Variants in POU6F2 observed in about 807,000 individuals in gnomAD.
POU6F2 encodes POU class 6 homeobox 2.
A neutral mutation model predicts 71.3 loss-of-function variants in POU6F2; 31 were observed. That is an observed-to-expected ratio of 0.43 (90% confidence interval 0.33 to 0.59). POU6F2 has a LOEUF of 0.59. Among genes scored for constraint, POU6F2 ranks in the 20% least tolerant of loss-of-function variants. The probability of loss-of-function intolerance (pLI) is 0.04; values close to 1 mark genes in which losing one functional copy is unlikely to be tolerated. For missense variants in POU6F2, 783 were observed against 856.8 expected, an observed-to-expected ratio of 0.91 and a Z score of 1.07; for synonymous variants, 347 against 355.7, an observed-to-expected ratio of 0.98 and a Z score of 0.27.
At position 39,106,614 on chromosome 7, in the gene POU6F2, CAGTT is replaced by C. The variant is rs1432431282; in HGVS notation, c.277+20586_277+20589del. On this transcript the variant is annotated intron_variant, in intron 2 of 9. Coordinates refer to ENST00000518318, the MANE Select transcript of POU6F2 (RefSeq NM_001370959.1). The stretch of plus-strand genomic sequence containing the variant: ...ATTAAATTAAACTCCTATTATTGGA[CAGTT>C]AGATTGTTTCCAATGTTTAAAATTG... 1.1e-4 allele frequency among the ~76,000 whole-genome samples: 16 copies of C among 152,296 alleles called. No individual in the cohort carries two copies. The East Asian group carries it at 2.9e-3, about 28-fold the overall frequency.
intron 1 of POU6F2, 96 bp from the exon 2 acceptor site, chr7:39,085,760 AAGAG>A: frequency 4.3e-6 from 5 of 1,152,868 alleles, no homozygotes; most frequent in Non-Finnish European, 5.0e-6. Flanking sequence ...GTGTGTGTGG[AAGAG>A]AGAGAGAGAA....
intron 6 of POU6F2, among the ~76,000 whole-genome samples, chr7:39,410,907 C>A (rs1206732914): frequency 1.3e-5 from 2 of 152,174 alleles, no homozygotes; most frequent in Non-Finnish European, 2.9e-5. Context: ...TGAGACTGGG[C>A]AGTTTCCTTA....
At chr7:39,207,940 C>A (rs1794055809) in intron 4 of POU6F2, among the ~76,000 whole-genome samples, 1 of 152,168 alleles carries the variant, frequency 6.6e-6, no homozygotes, top group Non-Finnish European at 1.5e-5. Flanking sequence ...TATTTGAAGA[C>A]CTGAGTTATC....
intron 5 of POU6F2, among the ~76,000 whole-genome samples, chr7:39,354,794 C>G (rs1266568824): frequency 6.6e-6 from 1 of 152,178 alleles, no homozygotes; most frequent in Non-Finnish European, 1.5e-5. Context: ...ACTATTTCTG[C>G]TTTATCAGGA....
chr7:39,457,686 G>A (rs1583619907), intron 8 of POU6F2, among the ~76,000 whole-genome samples: 1 of 152,258 alleles, frequency 6.6e-6, no homozygotes, highest in African/African-American at 2.4e-5. Flanking sequence ...TGTGTTACTT[G>A]TTAAAAATGC....
intron 4 of POU6F2, among the ~76,000 whole-genome samples, chr7:39,248,913 CT>C (rs2128752478): frequency 6.6e-6 from 1 of 152,304 alleles, no homozygotes; most frequent in South Asian, 2.1e-4. Flanking sequence ...CACACTGCCC[CT>C]GGGACATTAA....
intron 7 of POU6F2, 84 bp downstream of exon 7, chr7:39,433,367 T>A: frequency 3.4e-6 from 5 of 1,461,898 alleles, no homozygotes; most frequent in Non-Finnish European, 4.7e-6. Flanking sequence ...CAATGAAAAG[T>A]AACTTTTACA....
At position 39,207,590 on chromosome 7, in the gene POU6F2, A is replaced by G. The variant is rs1415036728; in HGVS notation, c.568A>G (p.Ile190Val). Residue 190 changes from isoleucine (I) to valine (V), a missense_variant, in exon 4 of 10, where the codon ATT (isoleucine) becomes GTT (valine). Physicochemically the swap from Ile to Val is conservative, Grantham distance 29. This residue lies in a region of POU6F2 where 572 missense variants were observed against 572.9 expected (regional missense o/e 1.00). Coordinates refer to ENST00000518318, the MANE Select transcript of POU6F2 (RefSeq NM_001370959.1). ...GGTGGCAGCAGCTGCAGCCGGAGGC[A>G]TTATGACTCTGCCACTGCAAAATCT... ...GLVAAAAAGG[I>V]MTLPLQNLQA... is the part of the protein sequence containing the mutation. 3 of 1,613,858 alleles carry G rather than the reference A, an allele frequency of 1.9e-6. No homozygotes were observed. The highest frequency in any genetic ancestry group is 2.2e-5 in the East Asian group (1 of 44,878).
chr7:39,285,040 G>A (rs186501011), intron 4 of POU6F2, among the ~76,000 whole-genome samples: 21 of 152,250 alleles, frequency 1.4e-4, no homozygotes, highest in African/African-American at 5.1e-4. Context: ...ATCCCTCACA[G>A]GGGATACCAT....
intron 1 of POU6F2, among the ~76,000 whole-genome samples, chr7:39,081,679 G>A (rs988424360): frequency 2.0e-5 from 3 of 152,190 alleles, no homozygotes; most frequent in African/African-American, 7.2e-5. Flanking sequence ...CTTCATTCAA[G>A]CAATGTCAGC....
chr7:39,310,884 G>C (rs1340260932), intron 4 of POU6F2, among the ~76,000 whole-genome samples: 1 of 152,140 alleles, frequency 6.6e-6, no homozygotes, highest in Admixed American at 6.5e-5. Context: ...AGACAGAGGT[G>C]AAGAGCTGCT....
intron 2 of POU6F2, among the ~76,000 whole-genome samples, chr7:39,104,206 A>G (rs1408792861): frequency 6.6e-6 from 1 of 152,260 alleles, no homozygotes; most frequent in Non-Finnish European, 1.5e-5. Flanking sequence ...TCTAGTTACA[A>G]TTATAGGGTT....
chr7:38,993,453 G>T (rs932986394), intron 1 of POU6F2, among the ~76,000 whole-genome samples: 1 of 151,474 alleles, frequency 6.6e-6, no homozygotes, highest in African/African-American at 2.4e-5. Context: ...AGTATAAAAT[G>T]GTATCTTAAA....
chr7:39,321,967 T>A (rs1412978316), intron 4 of POU6F2, among the ~76,000 whole-genome samples: 1 of 144,724 alleles, frequency 6.9e-6, no homozygotes, highest in Non-Finnish European at 1.5e-5. Flanking sequence ...AGACAAACAA[T>A]GAGAGCCTTC....
At chr7:39,431,239 T>C (rs1788092338) in intron 6 of POU6F2, among the ~76,000 whole-genome samples, 1 of 152,118 alleles carries the variant, frequency 6.6e-6, no homozygotes, top group African/African-American at 2.4e-5. Flanking sequence ...CATTGACAAA[T>C]GCCGTTGATA....
intron 1 of POU6F2, chr7:39,013,018 GAGGC>G (rs1296671523): frequency 6.7e-6 from 1 of 148,478 alleles, no homozygotes; most frequent in Non-Finnish European, 1.5e-5. Context: ...GGAGCCTACA[GAGGC>G]AGGCAGGCCT....
At chr7:39,371,182 GT>G (rs1203889084) in intron 5 of POU6F2, among the ~76,000 whole-genome samples, 194 of 143,190 alleles carry the variant, frequency 1.4e-3, no homozygotes, top group Non-Finnish European at 1.5e-3. Context: ...TCGGAGAATG[GT>G]TTTTTTTTTT....
intron 1 of POU6F2, among the ~76,000 whole-genome samples, chr7:39,065,769 A>G (rs1584524885): frequency 2.0e-5 from 3 of 151,814 alleles, no homozygotes; most frequent in African/African-American, 7.2e-5. Context: ...CTACTATAGT[A>G]AAATTATAAA....
At chr7:39,300,628 G>A (rs542464006) in intron 4 of POU6F2, among the ~76,000 whole-genome samples, 1 of 152,000 alleles carries the variant, frequency 6.6e-6, no homozygotes, top group East Asian at 1.9e-4. Flanking sequence ...CCTTCTGAGG[G>A]CCATGGAGGA....
Sources: gnomAD v4.1 joint callset for allele counts (sites outside exome capture counted in the v4.1 genomes callset) on GRCh38, gnomAD v4.1.1 for gene constraint, gnomAD v4.1.1 regional missense constraint, MANE v1.5 for transcripts, NCBI Gene and HGNC (gene_info 2026-07-23, HGNC 2026-07-21) for gene names.